The following ELP3 variants were observed in gnomAD, a reference collection of about 807,000 sequenced individuals.
ELP3 encodes elongator acetyltransferase complex subunit 3.
In ELP3, 56 loss-of-function variants were observed where a neutral mutation model predicts 74.9. That is an observed-to-expected ratio of 0.75 (90% CI 0.60 to 0.93). The LOEUF is 0.93. ELP3 is among the 40% of genes least tolerant of loss of function. The probability of loss-of-function intolerance (pLI) is 0.00; values close to 1 mark genes in which losing one functional copy is unlikely to be tolerated. For synonymous variants in ELP3, 222 were observed against 239.8 expected (o/e 0.93, Z 0.68); for missense variants, 573 against 686.5 (o/e 0.83, Z 1.85).
chr8:28,117,699 C>G (rs950825760), intron 7 of ELP3, among the ~76,000 whole-genome samples: 38 of 152,116 alleles, frequency 2.5e-4, no homozygotes, highest in African/African-American at 9.2e-4. Context: ...TTGCTCTTTT[C>G]TCTCAGTCTC....
At chr8:28,174,560 T>C (rs1038337590) in intron 14 of ELP3, among the ~76,000 whole-genome samples, 2 of 152,154 alleles carry the variant, frequency 1.3e-5, no homozygotes, top group Admixed American at 6.5e-5. Context: ...CCTCCCCCTC[T>C]GTATTGTTAT....
At chr8:28,110,631 A>C in intron 6 of ELP3, 193 bp downstream of exon 6, 1 of 536,810 alleles carries the variant, frequency 1.9e-6, no homozygotes. Context: ...CTTTCTTTAA[A>C]GACTGTATTT....
chr8:28,121,379 A>G (rs1329834089), intron 7 of ELP3, among the ~76,000 whole-genome samples: 3 of 147,672 alleles, frequency 2.0e-5, no homozygotes, highest in Non-Finnish European at 4.4e-5. Flanking sequence ...GAATGCAGTG[A>G]CGTGATCTCA....
In ELP3 at chr8:28,153,203, T is replaced by C. The variant is rs1190703575; in HGVS notation, c.1101-2739T>C. 2.0e-5 allele frequency among the ~76,000 whole-genome samples: 3 copies of C among 152,206 alleles called. No homozygotes were observed. The South Asian group carries it at 6.2e-4, about 31-fold the overall frequency. On this transcript the variant is annotated intron_variant, in intron 10 of 14. Coordinates refer to ENST00000256398, the MANE Select transcript of ELP3 (RefSeq NM_018091.6). The stretch of plus-strand genomic sequence containing the variant: ...CAGGGTCTGCCTAGCCAAATTGTCA[T>C]TTGCCAGCAGAGAACTTAAAGTACC...
In ELP3 at chr8:28,190,206, G is replaced by A. The variant is rs149512425; in HGVS notation, c.*481G>A. ...TAACGACATACGCATTGGAGCGCAA[G>A]TTAGGAAAATGAGCTTTTGTTTTCA... On this transcript the variant is annotated 3_prime_UTR_variant, in exon 15 of 15. Transcript: ENST00000256398. 41 of 153,664 alleles carry A rather than the reference G, an allele frequency of 2.7e-4. No homozygotes were observed. Among genetic ancestry groups the A allele is most frequent in the Middle Eastern group, 3.3e-3 (1 of 300 alleles). 9.5% of individuals were successfully genotyped at this position (153,664 alleles called of 1,614,324 possible). A position where few individuals can be genotyped will look rare whatever the true frequency, so the allele number is the denominator to read the frequency against.
At chr8:28,119,239 A>C (rs529385024) in intron 7 of ELP3, among the ~76,000 whole-genome samples, 3 of 152,264 alleles carry the variant, frequency 2.0e-5, no homozygotes, top group Admixed American at 6.5e-5. Flanking sequence ...CATAGGATAC[A>C]ATCTTAGTCA....
intron 3 of ELP3, among the ~76,000 whole-genome samples, chr8:28,101,065 A>G (rs1250858381): frequency 6.6e-6 from 1 of 152,108 alleles, no homozygotes; most frequent in Non-Finnish European, 1.5e-5. Context: ...ACCAAACCTC[A>G]TATCCTCTTC....
chr8:28,114,687 G>A (rs1309593459), intron 7 of ELP3, among the ~76,000 whole-genome samples: 1 of 152,206 alleles, frequency 6.6e-6, no homozygotes, highest in Non-Finnish European at 1.5e-5. Flanking sequence ...ATAAGATGTG[G>A]AGGGGACAAA....
intron 14 of ELP3, among the ~76,000 whole-genome samples, chr8:28,187,980 A>C (rs1815306610): frequency 6.6e-6 from 1 of 152,210 alleles, no homozygotes; most frequent in Non-Finnish European, 1.5e-5. Flanking sequence ...GATTTCAGTT[A>C]GGGATACGAG....
chr8:28,100,545 C>G (rs900882422), intron 3 of ELP3, among the ~76,000 whole-genome samples: 3 of 152,184 alleles, frequency 2.0e-5, no homozygotes, highest in African/African-American at 7.2e-5. Flanking sequence ...GCGAGTACGC[C>G]AGACTGAAGG....
chr8:28,103,842 A>G (rs1421756591), intron 3 of ELP3, among the ~76,000 whole-genome samples: 2 of 152,080 alleles, frequency 1.3e-5, no homozygotes, highest in African/African-American at 4.8e-5. Context: ...CTATCCTCCC[A>G]CCTCAGCCTC....
At chr8:28,111,642 C>A (rs1466212753) in intron 6 of ELP3, among the ~76,000 whole-genome samples, 1 of 152,134 alleles carries the variant, frequency 6.6e-6, no homozygotes, top group Non-Finnish European at 1.5e-5. Flanking sequence ...CTAAACTGAC[C>A]TTTGCTTCAA....
intron 14 of ELP3, among the ~76,000 whole-genome samples, chr8:28,165,829 G>T (rs778673203): frequency 6.6e-6 from 1 of 151,946 alleles, no homozygotes; most frequent in African/African-American, 2.4e-5. Flanking sequence ...AAACAAATTG[G>T]TTTTTTATCT....
intron 7 of ELP3, among the ~76,000 whole-genome samples, chr8:28,116,959 A>C (rs1238541775): frequency 6.6e-6 from 1 of 152,184 alleles, no homozygotes; most frequent in East Asian, 1.9e-4. Context: ...GTTCTCTCAG[A>C]GGGTTGCTGA....
chr8:28,120,120 T>A (rs535278816), intron 7 of ELP3, among the ~76,000 whole-genome samples: 1 of 152,334 alleles, frequency 6.6e-6, no homozygotes, highest in South Asian at 2.1e-4. Context: ...TAAATAGACA[T>A]AGAATTGCTA....
intron 14 of ELP3, among the ~76,000 whole-genome samples, chr8:28,188,222 A>G (rs900382835): frequency 6.6e-6 from 1 of 152,160 alleles, no homozygotes; most frequent in Admixed American, 6.5e-5. Context: ...GGGGTAATGG[A>G]CCTTTAGTAC....
At chr8:28,174,989 C>T (rs1009634011) in intron 14 of ELP3, among the ~76,000 whole-genome samples, 10 of 152,146 alleles carry the variant, frequency 6.6e-5, no homozygotes, top group African/African-American at 1.7e-4. Flanking sequence ...TTCTGACCTC[C>T]ATAGTTTCTA....
chr8:28,128,233 G>A (rs1038966131), intron 7 of ELP3, among the ~76,000 whole-genome samples: 4 of 152,180 alleles, frequency 2.6e-5, no homozygotes, highest in South Asian at 2.1e-4. Flanking sequence ...CAGCACTTTG[G>A]GGGGCCGAAG....
chr8:28,181,090 CTTA>C (rs1187571581), intron 14 of ELP3, among the ~76,000 whole-genome samples: 1 of 152,318 alleles, frequency 6.6e-6, no homozygotes, highest in East Asian at 1.9e-4. Context: ...ACATTTTCTC[CTTA>C]TTATTGGCCT....
Sources: allele counts gnomAD v4.1 joint callset (sites outside exome capture counted in the v4.1 genomes callset), GRCh38; gene constraint gnomAD v4.1.1; transcripts MANE v1.5; gene names NCBI Gene and HGNC (gene_info 2026-07-23, HGNC 2026-07-21).